The following ZNF91 variants were observed in gnomAD, a reference collection of about 807,000 sequenced individuals.
ZNF91 encodes the protein zinc finger protein 91, also known as zinc finger protein 91 (HPF7, HTF10).
ZNF91 carries 7 observed loss-of-function variants against 12.6 expected under a neutral mutation model. The observed-to-expected ratio is 0.55, with a 90% confidence interval of 0.31 to 1.04. The LOEUF (loss-of-function observed/expected upper bound fraction) is 1.04, where lower values mean the gene tolerates loss of function less well. ZNF91 is among the 50% of genes least tolerant of loss of function. ZNF91 has a pLI of 0.05. For synonymous variants in ZNF91, 453 were observed against 462.6 expected (o/e 0.98, Z 0.27); for missense variants, 1,217 against 1,385.4 (o/e 0.88, Z 1.93).
downstream of ZNF91, among the ~76,000 whole-genome samples, chr19:23,335,199 G>A (rs2145875104): frequency 6.6e-6 from 1 of 152,284 alleles, no homozygotes; most frequent in Non-Finnish European, 1.5e-5. Context: ...TCGTCTCAGA[G>A]GGGCACCCGG....
chr19:23,362,683 C>G lies in ZNF91; in HGVS notation c.296G>C (p.Ser99Thr). The change falls in exon 4 of 4, where the codon AGC becomes ACC. Residue 99 changes from serine (S) to threonine (T), a missense_variant. Ser to Thr is a moderately conservative substitution (Grantham distance 58). This residue lies in a region of ZNF91 where 726 missense variants were observed against 895.5 expected (regional missense o/e 0.81). Transcript: ENST00000300619. Reference sequence around the variant, plus strand: ...TACTTTTTGAAAAGAATCTTCCATGCTCTGCTCTGGCCAAAAGTCTTGAGG... The same window carrying G: ...TACTTTTTGAAAAGAATCTTCCATGGTCTGCTCTGGCCAAAAGTCTTGAGG... ...HFPQDFWPEQSMEDSFQKVLL... is the reference protein window; with the variant it reads ...HFPQDFWPEQTMEDSFQKVLL... The G allele has an allele frequency of 1.3e-6, 2 of 1,521,192 alleles. No individual in the cohort carries two copies. Among genetic ancestry groups the G allele is most frequent in the Non-Finnish European group, 1.8e-6 (2 of 1,140,104 alleles). 94.2% of individuals were successfully genotyped at this position (1,521,192 alleles called of 1,614,324 possible).
At chr19:23,375,368 C>A (rs1969469017) in intron 1 of ZNF91, among the ~76,000 whole-genome samples, 1 of 152,032 alleles carries the variant, frequency 6.6e-6, no homozygotes, top group African/African-American at 2.4e-5. Flanking sequence ...ACTGTGTTAG[C>A]CAGGATGGTC....
chr19:23,310,709 G>A (rs1239647668), upstream of ZNF91: 1 of 152,196 alleles, frequency 6.6e-6, no homozygotes, highest in East Asian at 1.9e-4. Context: ...GCTAGGTGAT[G>A]TGACTCTACT....
intron 1 of ZNF91, among the ~76,000 whole-genome samples, 171 bp downstream of exon 1, chr19:23,395,154 C>T (rs1970190100): frequency 6.6e-6 from 1 of 152,170 alleles, no homozygotes; most frequent in Admixed American, 6.5e-5. Context: ...CGCCTGTCAA[C>T]GCAGCCGCCA....
intron 1 of ZNF91, among the ~76,000 whole-genome samples, chr19:23,319,620 A>G (rs1265030353): frequency 1.3e-5 from 2 of 152,112 alleles, no homozygotes; most frequent in African/African-American, 2.4e-5. Flanking sequence ...TTCTGCCTGC[A>G]CCCTCCTAAC....
upstream of ZNF91, among the ~76,000 whole-genome samples, chr19:23,312,776 G>A (rs1484273763): frequency 6.6e-6 from 1 of 152,332 alleles, no homozygotes; most frequent in South Asian, 2.1e-4. Flanking sequence ...AGAGCAGATT[G>A]AGAATCTCAT....
At chr19:23,346,304 G>T (rs1211709341) in intron 3 of ZNF91, among the ~76,000 whole-genome samples, 1 of 151,972 alleles carries the variant, frequency 6.6e-6, no homozygotes, top group Non-Finnish European at 1.5e-5. Flanking sequence ...TCAGGTGCAT[G>T]CCAATACAAT....
chr19:23,309,912 A>G (rs1967447612), intron 1 of ZNF91, among the ~76,000 whole-genome samples: 1 of 152,174 alleles, frequency 6.6e-6, no homozygotes, highest in East Asian at 1.9e-4. Flanking sequence ...ACCCTCACAC[A>G]TGGATGAAGC....
intron 1 of ZNF91, among the ~76,000 whole-genome samples, chr19:23,379,393 T>G (rs1402410786): frequency 6.6e-6 from 1 of 152,184 alleles, no homozygotes; most frequent in African/African-American, 2.4e-5. Flanking sequence ...TTTTATTAAT[T>G]CTCTTCAGCA....
chr19:23,369,372 C>A (rs966515064), intron 3 of ZNF91, among the ~76,000 whole-genome samples: 3 of 151,466 alleles, frequency 2.0e-5, no homozygotes, highest in South Asian at 2.1e-4. Context: ...CCAGCCGCCC[C>A]GTCCGGGAGG....
chr19:23,322,142 C>G (rs1386891360), intron 1 of ZNF91, among the ~76,000 whole-genome samples: 1 of 152,194 alleles, frequency 6.6e-6, no homozygotes, highest in Non-Finnish European at 1.5e-5. Context: ...TGACATATAG[C>G]TGGCTGTAGC....
At chr19:23,313,116 G>A (rs773830794), upstream of ZNF91, among the ~76,000 whole-genome samples, 19 of 152,138 alleles carry the variant, frequency 1.2e-4, no homozygotes, top group Non-Finnish European at 2.5e-4. Context: ...ACATATATGA[G>A]GTGTTAACTC....
intron 3 of ZNF91, among the ~76,000 whole-genome samples, chr19:23,340,854 T>G (rs1372873131): frequency 1.3e-5 from 2 of 151,374 alleles, no homozygotes; most frequent in East Asian, 3.8e-4. Flanking sequence ...AGAAAATATT[T>G]GCAAACTACG....
chr19:23,378,670 T>G (rs367933288), intron 1 of ZNF91, among the ~76,000 whole-genome samples: 1 of 152,114 alleles, frequency 6.6e-6, no homozygotes, highest in African/African-American at 2.4e-5. Context: ...TAATATATGT[T>G]CAGGTGTAGA....
chr19:23,379,696 G>A (rs1232738256), intron 1 of ZNF91, among the ~76,000 whole-genome samples: 4 of 152,272 alleles, frequency 2.6e-5, no homozygotes. Context: ...GAAGCCAGGT[G>A]CCTGCTTAAG....
downstream of ZNF91, among the ~76,000 whole-genome samples, chr19:23,356,148 T>C (rs1056823142): frequency 2.6e-5 from 4 of 152,084 alleles, no homozygotes; most frequent in Non-Finnish European, 4.4e-5. Flanking sequence ...TAGCATTTGA[T>C]CCAGCAATCC....
In ZNF91 at chr19:23,364,068, A is replaced by T. The variant is rs111616284; in HGVS notation, c.254-1343T>A. ...GCATGGTGGCTCACACCTGTATTTT[A>T]GGCACTTTGGGAGGCCAAGGAGGAC... On this transcript the variant is annotated intron_variant, in intron 3 of 3. Transcript: ENST00000300619. Among the ~76,000 whole-genome samples the T allele has an allele frequency of 9.8e-3, 1,494 of 152,326 alleles. 10 individuals are homozygous for T. Among genetic ancestry groups the T allele is most frequent in the Non-Finnish European group, 0.015 (1,015 of 68,026 alleles).
chr19:23,306,467 C>A (rs1967400466), intron 3 of ZNF91, among the ~76,000 whole-genome samples: 1 of 150,432 alleles, frequency 6.6e-6, no homozygotes, highest in Admixed American at 6.6e-5. Context: ...TAACGTATCA[C>A]CGGGCCTTAT....
chr19:23,390,029 A>G (rs764385916), intron 1 of ZNF91, among the ~76,000 whole-genome samples: 2 of 152,162 alleles, frequency 1.3e-5, no homozygotes, highest in African/African-American at 2.4e-5. Flanking sequence ...TAAAAGATAC[A>G]ACCCGGGACA....
Sources: gnomAD v4.1 joint callset for allele counts (sites outside exome capture counted in the v4.1 genomes callset) on GRCh38, gnomAD v4.1.1 for gene constraint, gnomAD v4.1.1 regional missense constraint, MANE v1.5 for transcripts, NCBI Gene and HGNC (gene_info 2026-07-23, HGNC 2026-07-21) for gene names.